ANO2: variants seen among roughly 807,000 people sequenced by gnomAD.
ANO2 encodes anoctamin 2, also known as anoctamin-2.
A neutral mutation model predicts 124.2 loss-of-function variants in ANO2; 101 were observed. That is an observed-to-expected ratio of 0.81 (90% CI 0.69 to 0.96). The LOEUF is 0.96. ANO2 is among the 40% of genes least tolerant of loss of function. ANO2 has a pLI of 0.00. For missense variants in ANO2, 1,293 were observed against 1,274.5 expected, an observed-to-expected ratio of 1.01 and a Z score of -0.22; for synonymous variants, 486 against 482.5, an observed-to-expected ratio of 1.01 and a Z score of -0.09.
At chr12:5,698,067 A>T (rs535244690) in intron 14 of ANO2, among the ~76,000 whole-genome samples, 14 of 152,326 alleles carry the variant, frequency 9.2e-5, no homozygotes, top group Admixed American at 3.3e-4. Context: ...GCAGACTTAA[A>T]TGTCCCTGTC....
rs60128304 is a variant in ANO2, at chr12:5,635,599, TCACA to T, written c.1621-256_1621-253del. On this transcript the variant is annotated intron_variant, in intron 15 of 24. Coordinates refer to ENST00000682330, the MANE Select transcript of ANO2 (RefSeq NM_001364791.2). This position sits in a 1 kb window ranked among gnomAD's most constrained non-coding sequence, Gnocchi z 5.2. ...TTTTTGTCAGATTCCAAATGATTTA[TCACA>T]CACACACACACACACACACACACAC... Among the ~76,000 whole-genome samples, 517 of 146,894 alleles carry T rather than the reference TCACA, an allele frequency of 3.5e-3. 7 individuals carry two copies. The highest frequency in any genetic ancestry group is 0.012 in the African/African-American group (490 of 39,562).
At chr12:5,591,373 A>G (rs932889518) in intron 20 of ANO2, among the ~76,000 whole-genome samples, 2 of 152,182 alleles carry the variant, frequency 1.3e-5, no homozygotes, top group Admixed American at 6.5e-5. Context: ...AGAACATGCA[A>G]TGGTTTGGGG....
At chr12:5,758,116 AC>A (rs1367685597) in intron 10 of ANO2, among the ~76,000 whole-genome samples, 2 of 152,286 alleles carry the variant, frequency 1.3e-5, no homozygotes, top group Non-Finnish European at 2.9e-5. Context: ...TGACCCAAGG[AC>A]CTAGGCAAAG....
chr12:5,871,096 C>T (rs1937662470), intron 3 of ANO2, among the ~76,000 whole-genome samples: 1 of 152,164 alleles, frequency 6.6e-6, no homozygotes, highest in Non-Finnish European at 1.5e-5. Flanking sequence ...CTCTCCACGG[C>T]CCCAGTCGTT....
chr12:5,711,366 G>A (rs982852608), intron 14 of ANO2, among the ~76,000 whole-genome samples: 1 of 152,066 alleles, frequency 6.6e-6, no homozygotes, highest in South Asian at 2.1e-4. Flanking sequence ...CATGTAACAA[G>A]CCCGCTCCCT....
intron 10 of ANO2, among the ~76,000 whole-genome samples, chr12:5,767,496 A>C (rs1385136267): frequency 6.6e-6 from 1 of 152,240 alleles, no homozygotes; most frequent in Non-Finnish European, 1.5e-5. Flanking sequence ...TATTGGAGAG[A>C]AAGAAAGGAA....
chr12:5,568,388 G>A (rs1055442165), intron 23 of ANO2, among the ~76,000 whole-genome samples: 2 of 151,702 alleles, frequency 1.3e-5, no homozygotes, highest in Non-Finnish European at 1.5e-5. Context: ...TGATCCGCCC[G>A]TGCTGGCCAA....
chr12:5,620,982 C>T (rs1945089349), intron 16 of ANO2, among the ~76,000 whole-genome samples: 1 of 152,132 alleles, frequency 6.6e-6, no homozygotes, highest in African/African-American at 2.4e-5. Context: ...CAGGTCCTCA[C>T]CAGCCTGAAC....
rs755399378 is a variant in ANO2 at position 5,832,504 on chromosome 12, T to C, written c.733A>G (p.Asn245Asp). The C allele has an allele frequency of 6.2e-7, 1 of 1,613,982 alleles. No individual in the cohort carries two copies. Among genetic ancestry groups the C allele is most frequent in the Non-Finnish European group, 8.5e-7 (1 of 1,179,896 alleles). ...TAGGAGAGGTTTTTCATCTTGTTGT[T>C]GCTGTGTTCTGGAACTCGGGGCTGC... ...HLQPRVPEHS[N>D]NKMKNLSYPF... The change falls in exon 5 of 25, where the codon AAC becomes GAC. Residue 245 changes from asparagine to aspartate, a missense_variant. Transcript: ENST00000682330.
chr12:5,887,657 T>A (rs1939027536), intron 3 of ANO2, among the ~76,000 whole-genome samples: 1 of 152,050 alleles, frequency 6.6e-6, no homozygotes, highest in Non-Finnish European at 1.5e-5. Context: ...GCTTTCGAAA[T>A]AAAGAAGGAA....
At chr12:5,650,555 T>C (rs1198813669) in intron 14 of ANO2, among the ~76,000 whole-genome samples, 1 of 152,222 alleles carries the variant, frequency 6.6e-6, no homozygotes, top group Non-Finnish European at 1.5e-5. Flanking sequence ...AAGATGACAG[T>C]GAGTAAAGTA....
At position 5,806,143 on chromosome 12, in the gene ANO2, A is replaced by G. The variant is rs756249325; in HGVS notation, c.949-50T>C. On this transcript the variant is annotated intron_variant, in intron 8 of 24. Coordinates refer to ENST00000682330, the MANE Select transcript of ANO2 (RefSeq NM_001364791.2). ...TAAAGCCAATGAAATTACCAGAAGCAGGTGCCAAAGGAGAAAGGATTTTCT... is the reference window on the plus strand; with the variant it reads ...TAAAGCCAATGAAATTACCAGAAGCGGGTGCCAAAGGAGAAAGGATTTTCT... The G allele has an allele frequency of 1.7e-4, 266 of 1,551,392 alleles. 2 individuals are homozygous for G. Among genetic ancestry groups the G allele is most frequent in the Non-Finnish European group, 8.8e-7 (1 of 1,137,614 alleles).
chr12:5,681,823 C>G (rs113173004), intron 14 of ANO2, among the ~76,000 whole-genome samples: 1,935 of 152,284 alleles, frequency 0.013, 20 homozygotes, highest in Non-Finnish European at 0.02. Flanking sequence ...TCTCATTACC[C>G]TATTTGACCC....
rs1947314477 is a variant in ANO2, at chr12:5,658,943, C to G, written c.1546-11142G>C. Among the ~76,000 whole-genome samples, 1 of 152,120 alleles carries G rather than the reference C, an allele frequency of 6.6e-6. No individual in the cohort carries two copies. Among genetic ancestry groups the G allele is most frequent in the African/African-American group, 2.4e-5 (1 of 41,408 alleles). On this transcript the variant is annotated intron_variant, in intron 14 of 24. Transcript: ENST00000682330. The surrounding 1 kb of genome is among the most constrained non-coding windows in gnomAD (Gnocchi z 4.3). ...TCATCATCATCATTGCTTTATCCAC[C>G]AGGGACCCTGTGGCCCCAACTGATA...
At chr12:5,728,753 ACAG>A (rs1404259952) in intron 14 of ANO2, among the ~76,000 whole-genome samples, 1 of 152,212 alleles carries the variant, frequency 6.6e-6, no homozygotes, top group Non-Finnish European at 1.5e-5. Context: ...CTATATAGGC[ACAG>A]CAGTCAAGAT....
At chr12:5,678,441 T>C (rs1199499411) in intron 14 of ANO2, among the ~76,000 whole-genome samples, 1 of 152,122 alleles carries the variant, frequency 6.6e-6, no homozygotes, top group East Asian at 1.9e-4. Context: ...AGGCTCTGGG[T>C]TAGGAAGCCA....
At chr12:5,869,396 C>T (rs1955512878) in intron 3 of ANO2, among the ~76,000 whole-genome samples, 1 of 152,170 alleles carries the variant, frequency 6.6e-6, no homozygotes, top group Admixed American at 6.5e-5. Context: ...AGGATCCAGG[C>T]CCTGTGACTC....
At chr12:5,790,686 C>T (rs1311948354) in intron 10 of ANO2, among the ~76,000 whole-genome samples, 1 of 152,166 alleles carries the variant, frequency 6.6e-6, no homozygotes, top group Non-Finnish European at 1.5e-5. Context: ...TAGTTACCTG[C>T]TGGAAGCTAC....
At chr12:5,568,317 A>G (rs1357050534) in intron 23 of ANO2, among the ~76,000 whole-genome samples, 2 of 151,646 alleles carry the variant, frequency 1.3e-5, no homozygotes, top group Non-Finnish European at 2.9e-5. Context: ...AATTTTTTGT[A>G]TTTTTAGTAG....
Sources: allele counts gnomAD v4.1 joint callset (sites outside exome capture counted in the v4.1 genomes callset), GRCh38; gene constraint gnomAD v4.1.1; non-coding constraint Gnocchi (gnomAD v3.1); transcripts MANE v1.5; gene names NCBI Gene and HGNC (gene_info 2026-07-23, HGNC 2026-07-21).